CHM: variants seen among roughly 807,000 people sequenced by gnomAD.
The protein encoded by CHM is CHM Rab escort protein, also known as rab proteins geranylgeranyltransferase component A 1.
Under a neutral mutation model 49.0 loss-of-function variants are expected in CHM, and 10 were observed. That is an observed-to-expected ratio of 0.20 (90% CI 0.13 to 0.35). CHM has a LOEUF of 0.35. Among genes scored for constraint, CHM ranks in the 10% least tolerant of loss-of-function variants. The pLI, the probability that CHM is intolerant of heterozygous loss-of-function variation, is 1.00. For synonymous variants in CHM, 184 were observed against 167.5 expected (o/e 1.10, Z -0.76); for missense variants, 455 against 478.4 (o/e 0.95, Z 0.46).
intron 8 of CHM, among the ~76,000 whole-genome samples, chrX:85,950,004 T>TATATATATATATATATATATATAC (rs1929653251): frequency 1.1e-5 from 1 of 88,027 alleles, no homozygotes; most frequent in Non-Finnish European, 2.2e-5. Context: ...TATATATATA[T>TATATATATATATATATATATATAC]ATATATCTTG....
At chrX:86,037,933 C>T (rs763758060) in intron 1 of CHM, among the ~76,000 whole-genome samples, 1 of 110,872 alleles carries the variant, frequency 9.0e-6, no homozygotes, top group South Asian at 3.9e-4. Context: ...ATAAACAGGA[C>T]AATGAGTCCC....
chrX:85,890,973 G>A (rs1925406072), intron 12 of CHM, among the ~76,000 whole-genome samples: 1 of 111,392 alleles, frequency 9.0e-6, no homozygotes, highest in Non-Finnish European at 1.9e-5. Flanking sequence ...ATGGAGCTGA[G>A]GAACTTGTTG....
intron 2 of CHM, among the ~76,000 whole-genome samples, chrX:85,998,638 T>C (rs1258926669): frequency 8.9e-6 from 1 of 111,864 alleles, no homozygotes; most frequent in Non-Finnish European, 1.9e-5. Flanking sequence ...TATCAGCTAC[T>C]TACCCTCAAG....
At position 85,997,238 on chromosome X, in the gene CHM, T is replaced by G. The variant is rs185527541; in HGVS notation, c.117-15429A>C. Among the ~76,000 whole-genome samples the G allele has an allele frequency of 8.1e-5, 9 of 111,403 alleles. No individual in the cohort carries two copies. The East Asian group carries it at 2.3e-3, about 28-fold the overall frequency. ...AATCTAAATGATGCCCCTATTATTC[T>G]TTAGTAGTACTCCCCTTTTGCCTTT... On this transcript the variant is annotated intron_variant, in intron 2 of 14. Transcript: ENST00000357749.
chrX:85,882,361 C>T (rs925238867), intron 12 of CHM, among the ~76,000 whole-genome samples: 2 of 111,488 alleles, frequency 1.8e-5, no homozygotes, highest in Non-Finnish European at 3.8e-5. Context: ...AGGGTAAATG[C>T]TTTCCTAAAA....
At chrX:85,883,295 T>C (rs1285793676) in intron 12 of CHM, among the ~76,000 whole-genome samples, 1 of 111,436 alleles carries the variant, frequency 9.0e-6, no homozygotes, top group East Asian at 2.8e-4. Flanking sequence ...TTAATTTACA[T>C]AGAGATCAAT....
chrX:85,988,232 C>T (rs748700165), intron 2 of CHM, among the ~76,000 whole-genome samples: 1 of 112,268 alleles, frequency 8.9e-6, no homozygotes, highest in Admixed American at 9.4e-5. Flanking sequence ...TGATTCATCA[C>T]ATAAACAGAA....
intron 5 of CHM, among the ~76,000 whole-genome samples, chrX:85,963,347 A>G (rs1358811007): frequency 8.9e-6 from 1 of 112,504 alleles, no homozygotes; most frequent in African/African-American, 3.2e-5. Flanking sequence ...ACTGTAAATA[A>G]CATGGATTTC....
At chrX:86,036,561 A>C (rs1051381827) in intron 1 of CHM, among the ~76,000 whole-genome samples, 1 of 111,249 alleles carries the variant, frequency 9.0e-6, no homozygotes, top group African/African-American at 3.3e-5. Flanking sequence ...ATCTGGAAAG[A>C]AAGGAAGCAA....
In CHM at chrX:85,958,148, T is replaced by C. The variant is rs753366888; in HGVS notation, c.820-173A>G. The stretch of plus-strand genomic sequence containing the variant: ...GCATCTCTGCTAACTTCAGAGCTAA[T>C]TGTGAGCTTTCTTACTTAATTCTGC... On this transcript the variant is annotated intron_variant, in intron 6 of 14. Transcript: ENST00000357749. Among the ~76,000 whole-genome samples, 95 of 111,982 alleles carry C rather than the reference T, an allele frequency of 8.5e-4. 1 individual carries two copies. Among genetic ancestry groups the C allele is most frequent in the East Asian group, 5.1e-3 (18 of 3,545 alleles).
intron 2 of CHM, among the ~76,000 whole-genome samples, chrX:86,017,225 G>T (rs1230648031): frequency 3.6e-5 from 4 of 111,944 alleles, no homozygotes; most frequent in African/African-American, 1.3e-4. Flanking sequence ...TTGCACTGTG[G>T]ACTTTTGGAT....
At chrX:86,037,056 T>C (rs1377395842) in intron 1 of CHM, among the ~76,000 whole-genome samples, 4 of 110,811 alleles carry the variant, frequency 3.6e-5, no homozygotes. Flanking sequence ...ATATAAATGT[T>C]TGCTGAAGAC....
intron 9 of CHM, among the ~76,000 whole-genome samples, chrX:85,902,620 T>A (rs1160874569): frequency 9.0e-6 from 1 of 111,564 alleles, no homozygotes; most frequent in Non-Finnish European, 1.9e-5. Flanking sequence ...GAACTAGAGC[T>A]CTTGCCTTAT....
intron 8 of CHM, among the ~76,000 whole-genome samples, chrX:85,937,429 G>A (rs1012772997): frequency 1.8e-5 from 2 of 109,585 alleles, no homozygotes; most frequent in African/African-American, 6.7e-5. Context: ...TTTAAGAGCT[G>A]GAATAGTATA....
intron 2 of CHM, among the ~76,000 whole-genome samples, chrX:86,026,686 C>T (rs1201410519): frequency 1.8e-5 from 2 of 111,796 alleles, no homozygotes; most frequent in Admixed American, 1.9e-4. Context: ...TTTTTGGATT[C>T]CTACATATTT....
intron 4 of CHM, among the ~76,000 whole-genome samples, chrX:85,975,381 C>A (rs1931195653): frequency 8.9e-6 from 1 of 111,812 alleles, no homozygotes; most frequent in Non-Finnish European, 1.9e-5. Flanking sequence ...TTTGTAATAG[C>A]AAAAACTAGA....
chrX:85,954,251 T>A (rs942092467), intron 8 of CHM, among the ~76,000 whole-genome samples: 1 of 112,259 alleles, frequency 8.9e-6, no homozygotes, highest in African/African-American at 3.2e-5. Flanking sequence ...TTAAAATAAC[T>A]TTTATTCAAA....
intron 8 of CHM, among the ~76,000 whole-genome samples, chrX:85,944,770 C>T (rs1202744943): frequency 1.8e-5 from 2 of 111,689 alleles, no homozygotes; most frequent in African/African-American, 6.5e-5. Flanking sequence ...CCTAGCAATC[C>T]CATTATTGGT....
intron 7 of CHM, 73 bp from the exon 8 acceptor site, chrX:85,956,451 G>A: frequency 8.7e-7 from 1 of 1,144,258 alleles, no homozygotes; most frequent in East Asian, 3.3e-5. Context: ...ACAAAAAGGA[G>A]ATGAAGTGTG....
Sources: gnomAD v4.1 joint callset for allele counts (sites outside exome capture counted in the v4.1 genomes callset) on GRCh38, gnomAD v4.1.1 for gene constraint, MANE v1.5 for transcripts, NCBI Gene and HGNC (gene_info 2026-07-23, HGNC 2026-07-21) for gene names.